KDM2A: variants seen among roughly 807,000 people sequenced by gnomAD.
KDM2A encodes lysine-specific demethylase 2A.
In KDM2A, 3 loss-of-function variants were observed where a neutral mutation model predicts 137.3. That is an observed-to-expected ratio of 0.02 (90% CI 0.01 to 0.06). The LOEUF (loss-of-function observed/expected upper bound fraction) is 0.06, where lower values mean the gene tolerates loss of function less well. Ranked by LOEUF, KDM2A falls within the 10% of genes least tolerant of loss-of-function variation. KDM2A has a pLI of 1.00. For missense variants in KDM2A, 738 were observed against 1,510.6 expected (o/e 0.49, Z 8.48); for synonymous variants, 512 against 541.5 (o/e 0.95, Z 0.76).
chr11:67,255,872 C>G lies in KDM2A; in HGVS notation c.*817C>G, dbSNP rs748212491. On this transcript the variant is annotated 3_prime_UTR_variant, in exon 21 of 21. Transcript: ENST00000529006. ...TCCTTGTTCCCCCTCTCTCTTTTGC[C>G]TCCCACTGACTGCCCTTTTCCATGT... The G allele has an allele frequency of 2.3e-5, 6 of 266,502 alleles. No individual in the cohort carries two copies. The highest frequency in any genetic ancestry group is 3.8e-5 in the Non-Finnish European group (5 of 132,804). The allele number at this position is 266,502 out of a possible 1,614,324, so 16.5% of individuals were successfully genotyped here. A position where few individuals can be genotyped will look rare whatever the true frequency, so the allele number is the denominator to read the frequency against.
rs1247850389 is a variant in KDM2A at position 67,256,426 on chromosome 11, G to T, written c.*1371G>T. The T allele has an allele frequency of 6.6e-6, 1 of 152,590 alleles. No homozygotes were observed. The highest frequency in any genetic ancestry group is 1.9e-4 in the East Asian group (1 of 5,202). The allele number at this position is 152,590 out of a possible 1,614,324, so 9.5% of individuals were successfully genotyped here. A position where few individuals can be genotyped will look rare whatever the true frequency, so the allele number is the denominator to read the frequency against. On this transcript the variant is annotated 3_prime_UTR_variant, in exon 21 of 21. Transcript: ENST00000529006. ...TTTTAAGTGTGTGAGGAGATGCTCA[G>T]TAGCAGCAGCCTATGGCAAGAGCTT...
intron 6 of KDM2A, among the ~76,000 whole-genome samples, chr11:67,208,642 G>A (rs1857885374): frequency 6.6e-6 from 1 of 151,790 alleles, no homozygotes; most frequent in Admixed American, 6.6e-5. Context: ...ATGGTTGCAT[G>A]CGCCTGTAAT....
At chr11:67,225,909 A>G (rs1378042415) in intron 10 of KDM2A, among the ~76,000 whole-genome samples, 1 of 151,888 alleles carries the variant, frequency 6.6e-6, no homozygotes, top group Admixed American at 6.6e-5. Context: ...TACTAAAAAC[A>G]TAAAAATTAG....
chr11:67,228,321 C>T (rs1242600779), intron 11 of KDM2A, among the ~76,000 whole-genome samples, 158 bp downstream of exon 11: 2 of 152,134 alleles, frequency 1.3e-5, no homozygotes, highest in African/African-American at 4.8e-5. Flanking sequence ...CAGTTACCTA[C>T]CCAGATGTGA....
At chr11:67,193,499 T>C (rs894027293) in intron 5 of KDM2A, among the ~76,000 whole-genome samples, 1 of 152,232 alleles carries the variant, frequency 6.6e-6, no homozygotes, top group Non-Finnish European at 1.5e-5. Context: ...TAAAAGTTAA[T>C]ACACATAAAG....
chr11:67,131,492 A>G (rs1194158954), intron 2 of KDM2A, among the ~76,000 whole-genome samples: 2 of 148,068 alleles, frequency 1.4e-5, no homozygotes, highest in East Asian at 4.0e-4. Flanking sequence ...GCTCACTGAA[A>G]CCTCTGCCTC....
chr11:67,217,817 G>T lies in KDM2A; in HGVS notation c.774G>T (p.Leu258=). ...CAGGGAAACAGGGAGACATCTTTCT[G>T]GGTGACCGGGTATCAGATTGTCAGC... ...LLSGKQGDIF[L]GDRVSDCQRI... is the part of the protein sequence containing the mutation. Residue 258 remains leucine (L), a synonymous_variant, in exon 9 of 21, where the codon CTG becomes CTT. Transcript: ENST00000529006. The T allele has an allele frequency of 6.2e-7, 1 of 1,613,330 alleles. No individual in the cohort carries two copies. The highest frequency in any genetic ancestry group is 1.1e-5 in the South Asian group (1 of 90,840).
intron 6 of KDM2A, 44 bp downstream of exon 6, chr11:67,207,732 G>T: frequency 1.4e-6 from 2 of 1,459,646 alleles, no homozygotes; most frequent in East Asian, 2.5e-5. Context: ...TCACCAAAAG[G>T]GTTGTTTTCG....
Position 67,217,893 on chromosome 11 carries a change from A to G in KDM2A, c.841+9A>G, listed in dbSNP as rs1443720861. The G allele has an allele frequency of 2.5e-6, 4 of 1,588,696 alleles. No individual in the cohort carries two copies. The highest frequency in any genetic ancestry group is 3.4e-6 in the Non-Finnish European group (4 of 1,167,094). On this transcript the variant is annotated intron_variant, in intron 9 of 20. Coordinates refer to ENST00000529006, the MANE Select transcript of KDM2A (RefSeq NM_012308.3). ...CTTCGTCATTCCCTCAGGTAAGCAA[A>G]ATGGGAAGAGTGGGTTATTTAGCCA...
intron 2 of KDM2A, among the ~76,000 whole-genome samples, chr11:67,133,972 G>A (rs1855916520): frequency 6.6e-6 from 1 of 152,138 alleles, no homozygotes; most frequent in Admixed American, 6.5e-5. Flanking sequence ...GATTAGAGGC[G>A]TGAGCCACCA....
intron 6 of KDM2A, among the ~76,000 whole-genome samples, chr11:67,214,432 C>T (rs1858096746): frequency 6.6e-6 from 1 of 152,084 alleles, no homozygotes; most frequent in East Asian, 1.9e-4. Flanking sequence ...TCTCGATCTC[C>T]TGACCTCGTG....
intron 11 of KDM2A, among the ~76,000 whole-genome samples, chr11:67,228,544 T>C (rs930752685): frequency 4.6e-5 from 7 of 151,458 alleles, no homozygotes; most frequent in Non-Finnish European, 7.4e-5. Context: ...TACAGAAAAT[T>C]GGGTAGGCAT....
chr11:67,222,310 C>CAA (rs1310135000), intron 10 of KDM2A, among the ~76,000 whole-genome samples: 1 of 61,856 alleles, frequency 1.6e-5, no homozygotes, highest in East Asian at 3.7e-4. Context: ...ATCTGTTTAA[C>CAA]AAAGCACATC....
At chr11:67,159,362 C>T (rs1472480474) in intron 2 of KDM2A, among the ~76,000 whole-genome samples, 1 of 152,132 alleles carries the variant, frequency 6.6e-6, no homozygotes, top group East Asian at 1.9e-4. Context: ...TTAAAATGTC[C>T]TCCTTTCTGG....
At chr11:67,173,236 C>T (rs1440058860) in intron 2 of KDM2A, among the ~76,000 whole-genome samples, 1 of 152,234 alleles carries the variant, frequency 6.6e-6, no homozygotes, top group Non-Finnish European at 1.5e-5. Context: ...AATTCTCCTG[C>T]CTCAGCCTCC....
chr11:67,126,014 G>A (rs1304099439), intron 2 of KDM2A, among the ~76,000 whole-genome samples: 1 of 151,032 alleles, frequency 6.6e-6, no homozygotes. Flanking sequence ...GGGAGGCTGA[G>A]GCGGGTGGAT....
chr11:67,255,007 C>T lies in KDM2A; in HGVS notation c.3441C>T (p.Asn1147=), dbSNP rs993350864. The T allele has an allele frequency of 1.2e-6, 2 of 1,613,316 alleles. No individual in the cohort carries two copies. The highest frequency in any genetic ancestry group is 2.7e-5 in the African/African-American group (2 of 74,908). Residue 1147 remains asparagine, a synonymous_variant, in exon 21 of 21, where the codon AAC becomes AAT. Transcript: ENST00000529006. ...ACTTCATCTCAGACTTGTCCATCAA[C>T]AGCCTCTACTGCCTGTCTGACGAGA... ...CEHFISDLSI[N]SLYCLSDEKL...
At chr11:67,159,055 T>C (rs978499915) in intron 2 of KDM2A, among the ~76,000 whole-genome samples, 1 of 152,204 alleles carries the variant, frequency 6.6e-6, no homozygotes, top group Non-Finnish European at 1.5e-5. Flanking sequence ...TTTTCATGGA[T>C]CATGCTTTTG....
chr11:67,195,691 A>T (rs1857463223), intron 5 of KDM2A: 1 of 166,736 alleles, frequency 6.0e-6, no homozygotes, highest in Admixed American at 5.8e-5. Flanking sequence ...TGGGTTTTAA[A>T]TTCTTCAAGC....
Sources: allele counts gnomAD v4.1 joint callset (sites outside exome capture counted in the v4.1 genomes callset), GRCh38; gene constraint gnomAD v4.1.1; transcripts MANE v1.5; gene names NCBI Gene and HGNC (gene_info 2026-07-23, HGNC 2026-07-21).